Variants in CIMIP5 observed in about 807,000 individuals in gnomAD.
The protein encoded by CIMIP5 is ciliary microtubule inner protein 5.
At chr2:11,133,500 C>T in the CIMIP5 span, 6 of 1,608,446 alleles carry the variant, frequency 3.7e-6, no homozygotes, top group Admixed American at 3.3e-5. Context: ...GAAGGCGCAG[C>T]GGGTGGCTCA....
the CIMIP5 span, among the ~76,000 whole-genome samples, chr2:11,154,219 C>G: frequency 2.6e-5 from 4 of 152,232 alleles, no homozygotes; most frequent in Non-Finnish European, 5.9e-5. Flanking sequence ...CTCAAGCAAT[C>G]TTCCCGCTTC....
the CIMIP5 span, among the ~76,000 whole-genome samples, chr2:11,151,404 G>A: frequency 2.6e-4 from 39 of 152,340 alleles, no homozygotes; most frequent in African/African-American, 9.1e-4. Flanking sequence ...CAGGGGGTGA[G>A]GGTGGGGGAG....
chr2:11,133,532 G>C, the CIMIP5 span: 1 of 1,608,048 alleles, frequency 6.2e-7, no homozygotes, highest in Admixed American at 1.7e-5. Context: ...GCGATGGCGT[G>C]CAGCAGGACC....
the CIMIP5 span, chr2:11,133,147 G>A: frequency 1.7e-6 from 1 of 594,604 alleles, no homozygotes; most frequent in South Asian, 3.1e-5. Context: ...TCCCCAGCCC[G>A]GAGAGCCCTG....
the CIMIP5 span, among the ~76,000 whole-genome samples, chr2:11,151,545 A>G: frequency 0.24 from 37,028 of 152,288 alleles, 4,863 homozygotes; most frequent in East Asian, 0.48. Flanking sequence ...ACACAGAGCC[A>G]GCTGTGCGGG....
chr2:11,140,491 A>T, the CIMIP5 span: 4 of 1,541,362 alleles, frequency 2.6e-6, no homozygotes, highest in Non-Finnish European at 3.5e-6. Context: ...CACACAGCCA[A>T]CATGTTTTTC....
At chr2:11,139,222 C>A in the CIMIP5 span, among the ~76,000 whole-genome samples, 1 of 152,164 alleles carries the variant, frequency 6.6e-6, no homozygotes, top group African/African-American at 2.4e-5. Context: ...CTGTCCTACA[C>A]CTTCTTTATA....
At chr2:11,147,036 T>C in the CIMIP5 span, among the ~76,000 whole-genome samples, 1 of 152,228 alleles carries the variant, frequency 6.6e-6, no homozygotes, top group Non-Finnish European at 1.5e-5. Flanking sequence ...CTGAGTGCCC[T>C]GGAGGGCAGT....
the CIMIP5 span, among the ~76,000 whole-genome samples, chr2:11,137,359 G>A: frequency 6.6e-6 from 1 of 151,958 alleles, no homozygotes; most frequent in Non-Finnish European, 1.5e-5. Context: ...GGGTGACAGA[G>A]TGAGACTCCA....
chr2:11,154,262 C>T, the CIMIP5 span, among the ~76,000 whole-genome samples: 2 of 152,240 alleles, frequency 1.3e-5, no homozygotes, highest in African/African-American at 4.8e-5. Flanking sequence ...TCGATCTAGC[C>T]AGGGCAGGTC....
the CIMIP5 span, among the ~76,000 whole-genome samples, chr2:11,136,859 G>A: frequency 4.6e-5 from 7 of 152,214 alleles, no homozygotes; most frequent in African/African-American, 1.7e-4. Flanking sequence ...AAGAGGCGAG[G>A]ATGCAGGACA....
At chr2:11,143,577 A>T in the CIMIP5 span, among the ~76,000 whole-genome samples, 1 of 152,086 alleles carries the variant, frequency 6.6e-6, no homozygotes, top group Non-Finnish European at 1.5e-5. Context: ...CCAAAAAAAA[A>T]AAAAAAAATC....
At chr2:11,133,281 GT>G in the CIMIP5 span, 2 of 1,458,804 alleles carry the variant, frequency 1.4e-6, no homozygotes, top group Non-Finnish European at 1.8e-6. Context: ...TCAGGCACAG[GT>G]CTCTCTCTCT....
At chr2:11,144,328 A>C in the CIMIP5 span, 24 of 354,616 alleles carry the variant, frequency 6.8e-5, no homozygotes, top group Admixed American at 7.7e-4. Flanking sequence ...CGGCCGTACA[A>C]TCCCCAGCCC....
the CIMIP5 span, chr2:11,143,792 C>T: frequency 1.2e-6 from 1 of 819,626 alleles, no homozygotes; most frequent in Non-Finnish European, 1.8e-6. Flanking sequence ...ATCCCAAGTC[C>T]AAACCAGGAT....
At chr2:11,143,157 T>G in the CIMIP5 span, among the ~76,000 whole-genome samples, 2 of 152,106 alleles carry the variant, frequency 1.3e-5, no homozygotes, top group African/African-American at 4.8e-5. Context: ...GAATAACTTG[T>G]GTGATATTCA....
At chr2:11,138,869 C>G in the CIMIP5 span, among the ~76,000 whole-genome samples, 1 of 151,964 alleles carries the variant, frequency 6.6e-6, no homozygotes, top group Non-Finnish European at 1.5e-5. Context: ...TCCTGTACAG[C>G]CTGTGGAACT....
At chr2:11,144,154 T>G in the CIMIP5 span, 1 of 1,505,160 alleles carries the variant, frequency 6.6e-7, no homozygotes, top group Non-Finnish European at 8.9e-7. Flanking sequence ...TGGGTGTGGG[T>G]GGGGACAAGA....
At chr2:11,140,526 T>G in the CIMIP5 span, 3 of 1,571,828 alleles carry the variant, frequency 1.9e-6, no homozygotes, top group Admixed American at 5.0e-5. Flanking sequence ...GAACTGGAGT[T>G]TCCTGAAAGA....
Sources: gnomAD v4.1 joint callset for allele counts (sites outside exome capture counted in the v4.1 genomes callset) on GRCh38, gnomAD v4.1.1 for gene constraint, MANE v1.5 for transcripts, NCBI Gene and HGNC (gene_info 2026-07-23, HGNC 2026-07-21) for gene names.